Variants in REDIC1 observed in about 807,000 individuals in gnomAD.
REDIC1 encodes HEI10 Interacting Protein 1.
At chr12:39,890,073 G>C in the REDIC1 span, among the ~76,000 whole-genome samples, 116,844 of 151,996 alleles carry the variant, frequency 0.77, 45,014 homozygotes, top group South Asian at 0.85. Context: ...TGTAAAATAA[G>C]CCAGTCACCA....
At chr12:39,696,310 G>A in the REDIC1 span, among the ~76,000 whole-genome samples, 3 of 151,390 alleles carry the variant, frequency 2.0e-5, no homozygotes, top group South Asian at 2.1e-4. Context: ...TTGGGAGGCC[G>A]AGGCGGGCGG....
chr12:39,885,104 G>C, the REDIC1 span, among the ~76,000 whole-genome samples: 54 of 152,188 alleles, frequency 3.5e-4, no homozygotes, highest in African/African-American at 1.3e-3. Context: ...TCAGGCAGGG[G>C]GCTGATGATG....
At chr12:39,889,866 T>C in the REDIC1 span, among the ~76,000 whole-genome samples, 1 of 152,166 alleles carries the variant, frequency 6.6e-6, no homozygotes, top group Non-Finnish European at 1.5e-5. Flanking sequence ...TCATTTGTTG[T>C]TTTTATTATC....
the REDIC1 span, among the ~76,000 whole-genome samples, chr12:39,907,352 T>A: frequency 7.9e-5 from 12 of 152,254 alleles, no homozygotes; most frequent in East Asian, 2.1e-3. Context: ...TTTTCCTAAT[T>A]TTCTCAATGA....
At chr12:39,854,862 G>A in the REDIC1 span, among the ~76,000 whole-genome samples, 1 of 152,126 alleles carries the variant, frequency 6.6e-6, no homozygotes, top group East Asian at 1.9e-4. Flanking sequence ...TCATGCCTGG[G>A]TGGCTTCTCC....
At chr12:39,865,319 G>A in the REDIC1 span, among the ~76,000 whole-genome samples, 2 of 152,194 alleles carry the variant, frequency 1.3e-5, no homozygotes, top group African/African-American at 4.8e-5. Context: ...ATTCAATCAT[G>A]TAAGACTTAA....
the REDIC1 span, among the ~76,000 whole-genome samples, chr12:39,709,920 C>A: frequency 6.6e-6 from 1 of 151,646 alleles, no homozygotes; most frequent in Non-Finnish European, 1.5e-5. Context: ...AGTTGCTGCA[C>A]CATTTTATAT....
the REDIC1 span, among the ~76,000 whole-genome samples, chr12:39,713,853 A>T: frequency 3.4e-5 from 5 of 148,320 alleles, no homozygotes; most frequent in African/African-American, 1.2e-4. Flanking sequence ...ATATATGCAT[A>T]TATACATACA....
the REDIC1 span, among the ~76,000 whole-genome samples, chr12:39,735,274 G>C: frequency 6.6e-6 from 1 of 152,196 alleles, no homozygotes; most frequent in African/African-American, 2.4e-5. Context: ...GCCCCTAGAG[G>C]TGGCTCATAG....
the REDIC1 span, among the ~76,000 whole-genome samples, chr12:39,824,104 A>C: frequency 6.6e-6 from 1 of 152,236 alleles, no homozygotes; most frequent in East Asian, 1.9e-4. Context: ...AAAACAATGC[A>C]GAATATAGAA....
the REDIC1 span, among the ~76,000 whole-genome samples, chr12:39,718,247 T>G: frequency 6.6e-6 from 1 of 152,114 alleles, no homozygotes; most frequent in Non-Finnish European, 1.5e-5. Flanking sequence ...TAAAGGTCAC[T>G]GTGACTCCCT....
At chr12:39,629,093 G>A in the REDIC1 span, among the ~76,000 whole-genome samples, 1 of 152,188 alleles carries the variant, frequency 6.6e-6, no homozygotes, top group African/African-American at 2.4e-5. Context: ...AAGCCTTGAA[G>A]GACAGAAATA....
chr12:39,640,669 AT>A, the REDIC1 span, among the ~76,000 whole-genome samples: 181 of 150,260 alleles, frequency 1.2e-3, 2 homozygotes, highest in South Asian at 0.035. Context: ...TTTCCAATGC[AT>A]TTTTTTTTGC....
the REDIC1 span, among the ~76,000 whole-genome samples, chr12:39,631,141 C>T: frequency 7.2e-5 from 11 of 152,282 alleles, no homozygotes; most frequent in East Asian, 1.4e-3. Context: ...CCCCCCACCT[C>T]GGCCTCCCAA....
At chr12:39,665,189 G>A in the REDIC1 span, among the ~76,000 whole-genome samples, 119,151 of 150,666 alleles carry the variant, frequency 0.79, 47,807 homozygotes, top group Non-Finnish European at 0.86. Context: ...TTTCTTCTAG[G>A]GTTTTTATGG....
At chr12:39,714,333 A>G in the REDIC1 span, among the ~76,000 whole-genome samples, 1 of 148,510 alleles carries the variant, frequency 6.7e-6, no homozygotes, top group Non-Finnish European at 1.5e-5. Flanking sequence ...ATATATGTAT[A>G]TATGTCTGAA....
the REDIC1 span, among the ~76,000 whole-genome samples, chr12:39,840,108 T>A: frequency 2.0e-5 from 3 of 152,094 alleles, no homozygotes; most frequent in Non-Finnish European, 2.9e-5. Flanking sequence ...CTTGGCTCAC[T>A]GCAACCTCCG....
the REDIC1 span, among the ~76,000 whole-genome samples, chr12:39,860,509 G>A: frequency 3.7e-4 from 56 of 152,130 alleles, 1 homozygote; most frequent in East Asian, 7.7e-4. Flanking sequence ...CTCCAACTAC[G>A]GGCCAGTTTT....
At chr12:39,757,882 G>A in the REDIC1 span, 1 of 152,136 alleles carries the variant, frequency 6.6e-6, no homozygotes, top group Non-Finnish European at 1.5e-5. Flanking sequence ...ATAAAGAGAA[G>A]GATTGAGGCA....
Sources: allele counts gnomAD v4.1 joint callset (sites outside exome capture counted in the v4.1 genomes callset), GRCh38; gene constraint gnomAD v4.1.1; transcripts MANE v1.5; gene names NCBI Gene and HGNC (gene_info 2026-07-23, HGNC 2026-07-21).